KIF16B: variants seen among roughly 807,000 people sequenced by gnomAD.
KIF16B encodes the protein kinesin family member 16B.
Under a neutral mutation model 156.3 loss-of-function variants are expected in KIF16B, and 98 were observed. The ratio of observed to expected loss-of-function variants is 0.63; its 90% CI spans 0.53 to 0.74. The LOEUF is 0.74. Ranked by LOEUF, KIF16B falls within the 30% of genes least tolerant of loss-of-function variation. KIF16B has a pLI of 0.00. For missense variants in KIF16B, 1,421 were observed against 1,606.5 expected, an observed-to-expected ratio of 0.88 and a Z score of 1.97; for synonymous variants, 564 against 583.7, an observed-to-expected ratio of 0.97 and a Z score of 0.49.
chr20:16,516,156 T>A (rs2069136138), intron 3 of KIF16B, among the ~76,000 whole-genome samples: 1 of 152,192 alleles, frequency 6.6e-6, no homozygotes, highest in Non-Finnish European at 1.5e-5. Flanking sequence ...CAGGTGCTCA[T>A]GCAGCTGAGT....
chr20:16,289,702 G>A (rs1049053880), intron 25 of KIF16B, among the ~76,000 whole-genome samples: 11 of 152,146 alleles, frequency 7.2e-5, no homozygotes, highest in Non-Finnish European at 2.9e-5. Context: ...TTAGCCGGGC[G>A]CAGTGGCGGG....
At chr20:16,442,515 C>A (rs551998415) in intron 12 of KIF16B, among the ~76,000 whole-genome samples, 1 of 151,508 alleles carries the variant, frequency 6.6e-6, no homozygotes, top group South Asian at 2.1e-4. Context: ...AATTCTATGA[C>A]GGAACTTGTA....
At chr20:16,374,223 A>G in intron 20 of KIF16B, 34 bp downstream of exon 20, 1 of 1,505,828 alleles carries the variant, frequency 6.6e-7, no homozygotes, top group African/African-American at 1.4e-5. Context: ...GTCACATCAA[A>G]TGAGAAGCCT....
At chr20:16,441,283 A>G (rs1358270513) in intron 12 of KIF16B, among the ~76,000 whole-genome samples, 1 of 152,172 alleles carries the variant, frequency 6.6e-6, no homozygotes, top group Non-Finnish European at 1.5e-5. Flanking sequence ...ACCCACGGAA[A>G]TACGTCATGC....
intron 1 of KIF16B, among the ~76,000 whole-genome samples, chr20:16,541,882 T>C (rs1488119605): frequency 6.6e-6 from 1 of 152,196 alleles, no homozygotes; most frequent in South Asian, 2.1e-4. Flanking sequence ...CAGGCTTTTA[T>C]ACCCCTGCTT....
rs1032596977 is a variant in KIF16B, at chr20:16,556,446, C to G, written c.47+16783G>C. On this transcript the variant is annotated intron_variant, in intron 1 of 25. Coordinates refer to ENST00000354981, the MANE Select transcript of KIF16B (RefSeq NM_024704.5). Reference sequence around the variant, plus strand: ...TCTATATGTGGTCAGTAAATGCTTGCTGAGTGAATAATCATGACTGTATAC... The same window carrying G: ...TCTATATGTGGTCAGTAAATGCTTGGTGAGTGAATAATCATGACTGTATAC... Among the ~76,000 whole-genome samples, 65 of 152,312 alleles carry G rather than the reference C, an allele frequency of 4.3e-4. 1 individual carries two copies. Among genetic ancestry groups the G allele is most frequent in the African/African-American group, 1.5e-3 (64 of 41,568 alleles).
chr20:16,469,209 T>C (rs1600478622), intron 12 of KIF16B, among the ~76,000 whole-genome samples: 1 of 136,228 alleles, frequency 7.3e-6, no homozygotes. Context: ...CTTATGATGG[T>C]GCCACTGCAC....
Position 16,504,452 on chromosome 20 carries a change from CA to C in KIF16B, c.1095del (p.Asn365LysfsTer16). The C allele has an allele frequency of 6.2e-7, 1 of 1,614,120 alleles. No individual in the cohort carries two copies. The highest frequency in any genetic ancestry group is 1.3e-5 in the African/African-American group (1 of 75,046). On this transcript the variant is annotated frameshift_variant, in exon 10 of 26. Coordinates refer to ENST00000354981, the MANE Select transcript of KIF16B (RefSeq NM_024704.5). LOFTEE classifies it high-confidence loss of function. ...CGGATAAGTTTGACGTTGGCATCCTCATTAATGGTAGGCTTGTTGATGATGT... is the reference window on the plus strand; with the variant it reads ...CGGATAAGTTTGACGTTGGCATCCTCTTAATGGTAGGCTTGTTGATGATGT... ...AKNIINKPTI[N>X]EDANVKLIRE...
At chr20:16,378,641 C>G (rs2065008418) in intron 19 of KIF16B, among the ~76,000 whole-genome samples, 164 bp downstream of exon 19, 1 of 151,532 alleles carries the variant, frequency 6.6e-6, no homozygotes, top group Non-Finnish European at 1.5e-5. Flanking sequence ...TTTAGGAGTA[C>G]TTTTCTCAGT....
chr20:16,339,073 A>C (rs1204876032), intron 23 of KIF16B, among the ~76,000 whole-genome samples: 3 of 152,182 alleles, frequency 2.0e-5, no homozygotes, highest in African/African-American at 7.2e-5. Flanking sequence ...GGTGCGTTTA[A>C]ATGCTCATGG....
chr20:16,361,481 T>C lies in KIF16B; in HGVS notation c.3499-5029A>G, dbSNP rs183576490. The stretch of plus-strand genomic sequence containing the variant: ...GATCTTGTCTTAATTAACACTACAC[T>C]GTCTTCGAAGGCTTGGCAAATACAT... On this transcript the variant is annotated intron_variant, in intron 22 of 25. Coordinates refer to ENST00000354981, the MANE Select transcript of KIF16B (RefSeq NM_024704.5). Among the ~76,000 whole-genome samples, 84 of 152,316 alleles carry C rather than the reference T, an allele frequency of 5.5e-4. No individual in the cohort carries two copies. In the East Asian group the frequency reaches 0.016, roughly 29 times the overall value.
At chr20:16,560,148 C>T (rs1331066236) in intron 1 of KIF16B, among the ~76,000 whole-genome samples, 1 of 152,296 alleles carries the variant, frequency 6.6e-6, no homozygotes, top group East Asian at 1.9e-4. Flanking sequence ...CCAAGGACCA[C>T]TGATACCTTC....
chr20:16,446,412 T>C (rs758419044), intron 12 of KIF16B, among the ~76,000 whole-genome samples: 1 of 152,194 alleles, frequency 6.6e-6, no homozygotes, highest in Non-Finnish European at 1.5e-5. Context: ...ATTTTTTAAA[T>C]GTCACTGCGT....
At chr20:16,437,367 C>T (rs147657460) in intron 12 of KIF16B, among the ~76,000 whole-genome samples, 8 of 152,254 alleles carry the variant, frequency 5.3e-5, no homozygotes, top group East Asian at 1.9e-4. Flanking sequence ...GTCTGGCAAG[C>T]GAAGCAGATG....
intron 15 of KIF16B, among the ~76,000 whole-genome samples, chr20:16,409,982 T>TATATATATAGGTAC (rs2065887659): frequency 1.8e-5 from 1 of 55,532 alleles, no homozygotes; most frequent in Non-Finnish European, 3.4e-5. Flanking sequence ...TATATATATA[T>TATATATATAGGTAC]ATATATATAT....
intron 12 of KIF16B, among the ~76,000 whole-genome samples, chr20:16,448,785 T>G (rs2067002033): frequency 1.3e-5 from 2 of 151,988 alleles, no homozygotes; most frequent in African/African-American, 2.4e-5. Flanking sequence ...ATATTCAAGA[T>G]AGCAGAAATG....
At chr20:16,490,318 A>G (rs1600528557) in intron 12 of KIF16B, among the ~76,000 whole-genome samples, 1 of 152,102 alleles carries the variant, frequency 6.6e-6, no homozygotes. Flanking sequence ...AGGCAGGTGG[A>G]TCACCTGAGA....
intron 23 of KIF16B, among the ~76,000 whole-genome samples, chr20:16,338,214 G>A (rs143759581): frequency 7.2e-5 from 11 of 152,230 alleles, no homozygotes; most frequent in African/African-American, 1.9e-4. Context: ...CTCTCCAGCC[G>A]GGACTGTCTT....
chr20:16,347,793 G>A (rs1254003304), intron 23 of KIF16B, among the ~76,000 whole-genome samples: 3 of 152,218 alleles, frequency 2.0e-5, no homozygotes, highest in Admixed American at 6.5e-5. Context: ...GCTAATACAC[G>A]TGCAGGGAGA....
Sources: gnomAD v4.1 joint callset for allele counts (sites outside exome capture counted in the v4.1 genomes callset) on GRCh38, gnomAD v4.1.1 for gene constraint, MANE v1.5 for transcripts, NCBI Gene and HGNC (gene_info 2026-07-23, HGNC 2026-07-21) for gene names.